Variants in TMC3 observed in about 807,000 individuals in gnomAD.
TMC3 encodes transmembrane channel like 3, also known as transmembrane channel-like protein 3.
Under a neutral mutation model 110.6 loss-of-function variants are expected in TMC3, and 98 were observed. That is an observed-to-expected ratio of 0.89 (90% CI 0.75 to 1.05). The LOEUF (loss-of-function observed/expected upper bound fraction) is 1.05, where lower values mean the gene tolerates loss of function less well. Ranked by LOEUF, TMC3 falls within the 50% of genes least tolerant of loss-of-function variation. TMC3 has a pLI of 0.00. For synonymous variants in TMC3, 489 were observed against 513.1 expected, an observed-to-expected ratio of 0.95 and a Z score of 0.63; for missense variants, 1,319 against 1,373.2, an observed-to-expected ratio of 0.96 and a Z score of 0.62.
In TMC3 at chr15:81,334,895, A is replaced by C. The variant is rs368425382; in HGVS notation, c.2284T>G (p.Ser762Ala). The change falls in exon 21 of 22, where the codon TCG (serine) becomes GCG (alanine). Residue 762 changes from serine to alanine, a missense_variant. Physicochemically the swap from Ser to Ala is moderately conservative, Grantham distance 99. Transcript: ENST00000359440. Reference sequence around the variant, plus strand: ...TTGCCGTTGTTTTGGGGTGTGCCCGAGTGCGCTGAGGACAGCTGGCTGGTA... The same window carrying C: ...TTGCCGTTGTTTTGGGGTGTGCCCGCGTGCGCTGAGGACAGCTGGCTGGTA... ...DLTSQLSSAHSGTPQNNGNVA... is the reference protein window; with the variant it reads ...DLTSQLSSAHAGTPQNNGNVA... 34 of 1,613,852 alleles carry C rather than the reference A, an allele frequency of 2.1e-5. No homozygotes were observed. The highest frequency in any genetic ancestry group is 2.9e-5 in the Non-Finnish European group (34 of 1,179,912).
chr15:81,362,189 C>T, intron 4 of TMC3, 31 bp downstream of exon 4: 2 of 1,564,870 alleles, frequency 1.3e-6, no homozygotes, highest in Non-Finnish European at 1.7e-6. Context: ...GCATTGCATT[C>T]CTGCCCCACT....
Position 81,336,498 on chromosome 15 carries a change from G to T in TMC3, c.2203+111C>A, listed in dbSNP as rs1010445014. 15 of 975,684 alleles carry T rather than the reference G, an allele frequency of 1.5e-5. No individual in the cohort carries two copies. In the African/African-American group the frequency reaches 2.3e-4, roughly 15 times the overall value. 60.4% of individuals were successfully genotyped at this position (975,684 alleles called of 1,614,324 possible). On this transcript the variant is annotated intron_variant, in intron 20 of 21. Coordinates refer to ENST00000359440, the MANE Select transcript of TMC3 (RefSeq NM_001080532.3). ...CAGGAGAATCACTTGAACCGGGAAG[G>T]TGGAGGTTGCAGTGAGCCGAGATCA... is the stretch of plus-strand genomic sequence containing the variant.
At chr15:81,368,674 C>T (rs745910682) in intron 2 of TMC3, among the ~76,000 whole-genome samples, 5 of 152,176 alleles carry the variant, frequency 3.3e-5, no homozygotes, top group East Asian at 3.9e-4. Flanking sequence ...ACGTGCATCT[C>T]GGCCTCTTCA....
chr15:81,338,100 T>C (rs561892235), intron 18 of TMC3, among the ~76,000 whole-genome samples, 176 bp from the exon 19 acceptor site: 1 of 152,290 alleles, frequency 6.6e-6, no homozygotes, highest in South Asian at 2.1e-4. Context: ...CAGTGAGCAC[T>C]GGGAAGGGGC....
intron 19 of TMC3, chr15:81,337,640 G>T (rs1056415660): frequency 2.1e-5 from 13 of 619,912 alleles, no homozygotes; most frequent in East Asian, 8.3e-5. Flanking sequence ...ACAGGAGCAG[G>T]CTTCCTCCTA....
At chr15:81,360,839 G>A (rs1254380235) in intron 4 of TMC3, among the ~76,000 whole-genome samples, 1 of 152,132 alleles carries the variant, frequency 6.6e-6, no homozygotes, top group Non-Finnish European at 1.5e-5. Flanking sequence ...TTCTCTGAAG[G>A]GGAGCAGCTG....
intron 19 of TMC3, among the ~76,000 whole-genome samples, chr15:81,337,479 AG>A (rs1893622385): frequency 6.6e-6 from 1 of 152,202 alleles, no homozygotes; most frequent in Admixed American, 6.5e-5. Context: ...CAGATGCCCA[AG>A]TTGACAAGGA....
At chr15:81,356,629 C>T in intron 7 of TMC3, 35 bp from the exon 8 acceptor site, 1 of 1,565,710 alleles carries the variant, frequency 6.4e-7, no homozygotes. Flanking sequence ...TCTTGGGAGT[C>T]TCAGGAATAG....
At chr15:81,369,653 G>T (rs78307695) in intron 2 of TMC3, among the ~76,000 whole-genome samples, 7,466 of 152,168 alleles carry the variant, frequency 0.049, 200 homozygotes, top group South Asian at 0.07. Context: ...GCCAGGTGGG[G>T]TGGCTCACAC....
At chr15:81,338,041 A>ATCCACT in intron 18 of TMC3, 117 bp from the exon 19 acceptor site, 1 of 774,932 alleles carries the variant, frequency 1.3e-6, no homozygotes, top group Non-Finnish European at 2.3e-6. Context: ...GATGCGGGCT[A>ATCCACT]TCCACTGACC....
chr15:81,341,945 A>C (rs527901095), intron 15 of TMC3, among the ~76,000 whole-genome samples: 1 of 152,314 alleles, frequency 6.6e-6, no homozygotes, highest in East Asian at 1.9e-4. Context: ...GGCATTAAGC[A>C]TCCTCACACA....
intron 7 of TMC3, among the ~76,000 whole-genome samples, chr15:81,356,795 G>A (rs1894074447): frequency 6.6e-6 from 1 of 152,178 alleles, no homozygotes; most frequent in Non-Finnish European, 1.5e-5. Context: ...GGAACAGTGT[G>A]AAAACTGCAA....
Position 81,372,349 on chromosome 15 carries a change from G to GACACACACACACACAC in TMC3, c.236+226_236+241dup, listed in dbSNP as rs371289786. Among the ~76,000 whole-genome samples, 4 of 116,858 alleles carry GACACACACACACACAC rather than the reference G, an allele frequency of 3.4e-5. No homozygotes were observed. In the East Asian group the frequency reaches 8.0e-4, roughly 23 times the overall value. The allele number at this position is 116,858 out of a possible 152,430, so 76.7% of individuals were successfully genotyped here. A position where few individuals can be genotyped will look rare whatever the true frequency, so the allele number is the denominator to read the frequency against. ...TCTCTTTCTCTGTATCTGTCTCTCT[G>GACACACACACACACAC]ACACACACACACACACACACACACA... On this transcript the variant is annotated intron_variant, in intron 2 of 21. Coordinates refer to ENST00000359440, the MANE Select transcript of TMC3 (RefSeq NM_001080532.3).
intron 11 of TMC3, among the ~76,000 whole-genome samples, chr15:81,347,408 A>C (rs539692134): frequency 6.6e-6 from 1 of 152,358 alleles, no homozygotes; most frequent in African/African-American, 2.4e-5. Flanking sequence ...GAGAAACAGG[A>C]AAGTGGCATC....
chr15:81,352,372 T>A (rs1476948834), intron 9 of TMC3, among the ~76,000 whole-genome samples: 1 of 152,204 alleles, frequency 6.6e-6, no homozygotes. Flanking sequence ...TAAGATTATA[T>A]TGGAGCTGAA....
intron 3 of TMC3, among the ~76,000 whole-genome samples, chr15:81,363,627 C>T (rs761885213): frequency 4.6e-5 from 7 of 152,152 alleles, no homozygotes; most frequent in Non-Finnish European, 8.8e-5. Context: ...GATTTGAGAG[C>T]CAACTCAAAT....
chr15:81,371,912 C>T (rs1212828324), intron 2 of TMC3, among the ~76,000 whole-genome samples: 1 of 152,136 alleles, frequency 6.6e-6, no homozygotes, highest in African/African-American at 2.4e-5. Flanking sequence ...AGGGCTATTC[C>T]TCACCATCGC....
At chr15:81,370,953 A>C (rs929056035) in intron 2 of TMC3, among the ~76,000 whole-genome samples, 1 of 152,040 alleles carries the variant, frequency 6.6e-6, no homozygotes, top group Non-Finnish European at 1.5e-5. Flanking sequence ...GATTATAGGC[A>C]TGAGCCACCG....
In TMC3 at chr15:81,332,972, A is replaced by G. The variant is rs866080628; in HGVS notation, c.2750T>C (p.Ile917Thr). 3.7e-6 allele frequency: 6 copies of G among 1,612,936 alleles called. No homozygotes were observed. The highest frequency in any genetic ancestry group is 2.7e-5 in the African/African-American group (2 of 75,008). The change falls in exon 22 of 22, where the codon ATT becomes ACT. Residue 917 changes from isoleucine (I) to threonine (T), a missense_variant. By Grantham distance (89) the Ile-to-Thr change is moderately conservative (BLOSUM62 -1). Transcript: ENST00000359440. ...RHFKIDASGD[I>T]VELYPRNVRQ... ...CACGTTCCTGGGGTACAGCTCCACA[A>G]TGTCACCTGAAGCATCTATCTTGAA...
Sources: gnomAD v4.1 joint callset for allele counts (sites outside exome capture counted in the v4.1 genomes callset) on GRCh38, gnomAD v4.1.1 for gene constraint, MANE v1.5 for transcripts, NCBI Gene and HGNC (gene_info 2026-07-23, HGNC 2026-07-21) for gene names.